PRKAR2A: variants seen among roughly 807,000 people sequenced by gnomAD.
The protein encoded by PRKAR2A is protein kinase cAMP-dependent type II regulatory subunit alpha, also known as cAMP-dependent protein kinase type II-alpha regulatory subunit.
A neutral mutation model predicts 51.9 loss-of-function variants in PRKAR2A; 29 were observed. The ratio of observed to expected loss-of-function variants is 0.56; its 90% CI spans 0.42 to 0.76. PRKAR2A has a LOEUF of 0.76. Ranked by LOEUF, PRKAR2A falls within the 30% of genes least tolerant of loss-of-function variation. PRKAR2A has a pLI of 0.00. For synonymous variants in PRKAR2A, 178 were observed against 186.2 expected (o/e 0.96, Z 0.36); for missense variants, 445 against 512.1 (o/e 0.87, Z 1.26).
At chr3:48,816,593 G>A (rs2082878540) in intron 1 of PRKAR2A, among the ~76,000 whole-genome samples, 1 of 151,828 alleles carries the variant, frequency 6.6e-6, no homozygotes, top group African/African-American at 2.4e-5. Context: ...AGCCGAGATC[G>A]CACCACTGCA....
chr3:48,822,485 G>A (rs2082983656), intron 1 of PRKAR2A, among the ~76,000 whole-genome samples: 3 of 151,974 alleles, frequency 2.0e-5, no homozygotes, highest in East Asian at 1.9e-4. Context: ...AAATGGCCTC[G>A]GTAACTGATG....
Position 48,765,264 on chromosome 3 carries a change from A to T in PRKAR2A, c.782T>A (p.Leu261His), listed in dbSNP as rs2081924309. Reference protein sequence around the residue: ...MFESFIESVPLLKSLEVSERM... With the variant: ...MFESFIESVPHLKSLEVSERM... ...CCACTTTACCTCTAGTGATTTAAGGAGGGGCACAGACTCAATAAATGATTC... is the reference window on the plus strand; with the variant it reads ...CCACTTTACCTCTAGTGATTTAAGGTGGGGCACAGACTCAATAAATGATTC... Residue 261 changes from leucine (L) to histidine (H), a missense_variant, in exon 7 of 11, where the codon CTC (leucine) becomes CAC (histidine). Coordinates refer to ENST00000265563, the MANE Select transcript of PRKAR2A (RefSeq NM_004157.4). 3 of 1,609,990 alleles carry T rather than the reference A, an allele frequency of 1.9e-6. No homozygotes were observed. The highest frequency in any genetic ancestry group is 2.5e-6 in the Non-Finnish European group (3 of 1,177,346).
intron 1 of PRKAR2A, among the ~76,000 whole-genome samples, chr3:48,845,385 C>T (rs2083445574): frequency 6.6e-6 from 1 of 152,130 alleles, no homozygotes; most frequent in African/African-American, 2.4e-5. Context: ...AGCTTGTGAC[C>T]TCCCACAGCA....
intron 1 of PRKAR2A, among the ~76,000 whole-genome samples, chr3:48,809,911 C>A (rs1007461893): frequency 3.9e-5 from 6 of 152,146 alleles, no homozygotes; most frequent in African/African-American, 1.4e-4. Context: ...TTTCACTACT[C>A]ACATCTACTT....
intron 2 of PRKAR2A, among the ~76,000 whole-genome samples, chr3:48,804,873 G>A (rs558885095): frequency 1.3e-5 from 2 of 152,214 alleles, no homozygotes; most frequent in Non-Finnish European, 2.9e-5. Flanking sequence ...CTAAAACAAG[G>A]AGAAGCAGTG....
At chr3:48,795,827 G>A (rs939118373) in intron 2 of PRKAR2A, among the ~76,000 whole-genome samples, 3 of 152,170 alleles carry the variant, frequency 2.0e-5, no homozygotes, top group South Asian at 2.1e-4. Context: ...GTGCCACCGC[G>A]CCTGACCTGT....
chr3:48,820,004 T>C (rs2082936859), intron 1 of PRKAR2A, among the ~76,000 whole-genome samples: 1 of 152,116 alleles, frequency 6.6e-6, no homozygotes, highest in African/African-American at 2.4e-5. Flanking sequence ...ATAGGGTGCA[T>C]GATCCAAGCC....
chr3:48,829,595 C>T lies in PRKAR2A; in HGVS notation c.262+17740G>A, dbSNP rs1289561096. ...ATAAATATATATGTGTGTATATATA[C>T]ACACACATAAATGTGTGTGTGTATA... On this transcript the variant is annotated intron_variant, in intron 1 of 10. Transcript: ENST00000265563. Among the ~76,000 whole-genome samples, 54 of 43,988 alleles carry T rather than the reference C, an allele frequency of 1.2e-3. 8 individuals are homozygous for T. Among genetic ancestry groups the T allele is most frequent in the African/African-American group, 7.4e-3 (50 of 6,762 alleles). 28.9% of individuals were successfully genotyped at this position (43,988 alleles called of 152,430 possible). A position where few individuals can be genotyped will look rare whatever the true frequency, so the allele number is the denominator to read the frequency against.
chr3:48,794,017 C>T lies in PRKAR2A; in HGVS notation c.331G>A (p.Glu111Lys). 6.2e-7 allele frequency: 1 copy of T among 1,606,248 alleles called. No individual in the cohort carries two copies. Among genetic ancestry groups the T allele is most frequent in the Non-Finnish European group, 8.5e-7 (1 of 1,173,058 alleles). ...CTTACCCTTGGATCTGTATCTTCCT[C>T]TTCCTCATCAGGGTTATAGGTCTCA... is the stretch of plus-strand genomic sequence containing the variant. ...CAETYNPDEEEEDTDPRVIHP... is the reference protein window; with the variant it reads ...CAETYNPDEEKEDTDPRVIHP... The change falls in exon 3 of 11, where the codon GAG becomes AAG. Residue 111 changes from glutamate (E) to lysine (K), a missense_variant. Transcript: ENST00000265563.
chr3:48,832,984 G>A (rs1254601157), intron 1 of PRKAR2A, among the ~76,000 whole-genome samples: 1 of 152,144 alleles, frequency 6.6e-6, no homozygotes, highest in South Asian at 2.1e-4. Flanking sequence ...TGAGTCTGTA[G>A]CTTGTCCAAG....
intron 5 of PRKAR2A, among the ~76,000 whole-genome samples, chr3:48,773,404 C>T (rs1194096418): frequency 7.6e-6 from 1 of 131,614 alleles, no homozygotes; most frequent in Non-Finnish European, 1.5e-5. Context: ...AGTGCAGGGG[C>T]GGTATCTCAG....
At chr3:48,812,632 G>A (rs1191685846) in intron 1 of PRKAR2A, among the ~76,000 whole-genome samples, 2 of 151,998 alleles carry the variant, frequency 1.3e-5, no homozygotes, top group Non-Finnish European at 2.9e-5. Flanking sequence ...ACAGGCGCCT[G>A]CCACCACGCC....
intron 10 of PRKAR2A, 86 bp downstream of exon 10, chr3:48,752,090 A>G (rs2081657070): frequency 6.8e-7 from 1 of 1,471,532 alleles, no homozygotes. Context: ...GCAGTAAAAG[A>G]TGGCAGAATA....
chr3:48,816,543 C>G (rs2082877682), intron 1 of PRKAR2A, among the ~76,000 whole-genome samples: 1 of 152,074 alleles, frequency 6.6e-6, no homozygotes, highest in Non-Finnish European at 1.5e-5. Context: ...AAGGCTGAGG[C>G]AGGAGAATTG....
intron 1 of PRKAR2A, among the ~76,000 whole-genome samples, chr3:48,832,302 A>C (rs1485271704): frequency 6.6e-6 from 1 of 150,574 alleles, no homozygotes; most frequent in East Asian, 1.9e-4. Flanking sequence ...ATCTCAAAAA[A>C]AAAAAAAACA....
At chr3:48,829,657 CGTGTGTATACACACACATAAATGTGT>C (rs2083143343) in intron 1 of PRKAR2A, among the ~76,000 whole-genome samples, 1 of 135,746 alleles carries the variant, frequency 7.4e-6, no homozygotes, top group Non-Finnish European at 1.6e-5. Context: ...TGTGTGTATA[CGTGTGTATACACACACATAAATGTGT>C]GTGTGTATAC....
chr3:48,798,165 C>G (rs899547659), intron 2 of PRKAR2A, among the ~76,000 whole-genome samples: 2 of 152,132 alleles, frequency 1.3e-5, no homozygotes, highest in African/African-American at 4.8e-5. Context: ...ATTGGCCAGG[C>G]TGGTCTCAAA....
chr3:48,764,289 C>T (rs2081905730), intron 8 of PRKAR2A, among the ~76,000 whole-genome samples: 1 of 152,180 alleles, frequency 6.6e-6, no homozygotes, highest in Admixed American at 6.5e-5. Flanking sequence ...GTAATCTTTA[C>T]ATCTTACAAA....
intron 1 of PRKAR2A, among the ~76,000 whole-genome samples, chr3:48,835,930 C>A (rs1296817789): frequency 6.6e-6 from 1 of 152,080 alleles, no homozygotes; most frequent in Non-Finnish European, 1.5e-5. Context: ...TGTGGTCAGA[C>A]ATATAAATCA....
Sources: allele counts gnomAD v4.1 joint callset (sites outside exome capture counted in the v4.1 genomes callset), GRCh38; gene constraint gnomAD v4.1.1; transcripts MANE v1.5; gene names NCBI Gene and HGNC (gene_info 2026-07-23, HGNC 2026-07-21).